Variants in PCDHA8 observed in about 807,000 individuals in gnomAD.
The protein encoded by PCDHA8 is protocadherin alpha 8.
A neutral mutation model predicts 61.8 loss-of-function variants in PCDHA8; 53 were observed. That is an observed-to-expected ratio of 0.86 (90% CI 0.69 to 1.08). The LOEUF (loss-of-function observed/expected upper bound fraction) is 1.08. Ranked by LOEUF, PCDHA8 falls within the 50% of genes least tolerant of loss-of-function variation. PCDHA8 has a pLI of 0.00. For missense variants in PCDHA8, 1,293 were observed against 1,245.0 expected (o/e 1.04, Z -0.58); for synonymous variants, 618 against 556.6 (o/e 1.11, Z -1.55).
At chr5:140,856,056 C>T (rs2043749341) in intron 1 of PCDHA8, 1 of 1,586,796 alleles carries the variant, frequency 6.3e-7, no homozygotes, top group Non-Finnish European at 8.6e-7. Flanking sequence ...AAGATGGTTT[C>T]CAGATGTAGC....
At chr5:140,905,622 T>G (rs962403940) in intron 1 of PCDHA8, among the ~76,000 whole-genome samples, 3 of 152,236 alleles carry the variant, frequency 2.0e-5, no homozygotes, top group Non-Finnish European at 4.4e-5. Context: ...AGATTGCTTT[T>G]GACAGTATGG....
Position 140,941,319 on chromosome 5 carries a change from C to CT in PCDHA8, c.2395-37615dup, listed in dbSNP as rs70988781. On this transcript the variant is annotated intron_variant, in intron 1 of 3. Transcript: ENST00000531613. Reference sequence around the variant, plus strand: ...TTCTTTCTTTCTTTTTCTTCTTTCTCTTTTTTTTTTTTTTTCAGATGGAGT... The same window carrying CT: ...TTCTTTCTTTCTTTTTCTTCTTTCTCTTTTTTTTTTTTTTTTCAGATGGAGT... Among the ~76,000 whole-genome samples the CT allele has an allele frequency of 1.3e-3, 140 of 104,384 alleles. 3 individuals are homozygous for CT. The highest frequency in any genetic ancestry group is 2.9e-3 in the South Asian group (9 of 3,126). The allele number at this position is 104,384 out of a possible 152,430, so 68.5% of individuals were successfully genotyped here.
chr5:140,929,257 C>T, intron 1 of PCDHA8: 2 of 1,612,972 alleles, frequency 1.2e-6, no homozygotes, highest in Non-Finnish European at 1.7e-6. Context: ...TGGGGTAGGA[C>T]TGAATTTGCC....
In PCDHA8 at chr5:140,841,739, CTGTT is replaced by C. The variant is rs1562391277; in HGVS notation, c.424_427del (p.Val142GlnfsTer12). 12 of 1,613,762 alleles carry C rather than the reference CTGTT, an allele frequency of 7.4e-6. No individual in the cohort carries two copies. The highest frequency in any genetic ancestry group is 3.3e-4 in the Middle Eastern group (2 of 6,084). ...AGTGTTCCGGGTAAAAGACCAAAAG[CTGTT>C]TGTTTCAGAATCCAGAATGCCAGAC... On this transcript the variant is annotated frameshift_variant, in exon 1 of 4. Transcript: ENST00000531613. LOFTEE classifies it high-confidence loss of function.
At position 140,856,173 on chromosome 5, in the gene PCDHA8, C is replaced by A. The variant is rs782775861; in HGVS notation, c.2394+12458C>A. The stretch of plus-strand genomic sequence containing the variant: ...GTCTACGAGGAGGCCAGACACGGCA[C>A]CTTCGTGGGCCGCATCGCGCAGGAC... On this transcript the variant is annotated intron_variant, in intron 1 of 3. Coordinates refer to ENST00000531613, the MANE Select transcript of PCDHA8 (RefSeq NM_018911.3). The A allele has an allele frequency of 1.1e-5, 17 of 1,598,116 alleles. 1 individual carries two copies. The highest frequency in any genetic ancestry group is 3.4e-4 in the Middle Eastern group (2 of 5,954).
intron 1 of PCDHA8, among the ~76,000 whole-genome samples, chr5:140,899,481 G>T (rs2153464125): frequency 6.6e-6 from 1 of 152,230 alleles, no homozygotes; most frequent in East Asian, 1.9e-4. Flanking sequence ...CTGTTTATAT[G>T]CTGGATTACA....
chr5:140,989,242 C>T (rs562894633), intron 3 of PCDHA8, among the ~76,000 whole-genome samples: 5 of 152,226 alleles, frequency 3.3e-5, no homozygotes, highest in African/African-American at 1.2e-4. Flanking sequence ...GTTTTAAGCC[C>T]CTTGTCAAAA....
In PCDHA8 at chr5:140,842,314, G is replaced by A. The variant is rs1777869139; in HGVS notation, c.993G>A (p.Ala331=). The change falls in exon 1 of 4, where the codon GCG becomes GCA. Residue 331 remains alanine (A), a synonymous_variant. Transcript: ENST00000531613. ...DATDKGHPPM[A]GHCTVLVRIL... ...CGGACAAAGGCCATCCTCCCATGGC[G>A]GGTCATTGCACCGTTTTAGTGAGAA... 3.7e-6 allele frequency: 6 copies of A among 1,607,200 alleles called. No homozygotes were observed. Among genetic ancestry groups the A allele is most frequent in the Non-Finnish European group, 5.1e-6 (6 of 1,174,054 alleles).
intron 3 of PCDHA8, among the ~76,000 whole-genome samples, chr5:141,005,129 C>T (rs1554259896): frequency 6.6e-6 from 1 of 152,180 alleles, no homozygotes; most frequent in African/African-American, 2.4e-5. Context: ...CCAAAAGTGC[C>T]TCATTGGAGA....
intron 1 of PCDHA8, chr5:140,877,508 C>T (rs892674985): frequency 2.5e-6 from 4 of 1,613,808 alleles, no homozygotes; most frequent in Non-Finnish European, 2.5e-6. Context: ...CCAAAGACGT[C>T]GTCGCGGGCC....
chr5:140,842,986 G>T lies in PCDHA8; in HGVS notation c.1665G>T (p.Val555=). 6.3e-7 allele frequency: 1 copy of T among 1,595,006 alleles called. No homozygotes were observed. The highest frequency in any genetic ancestry group is 1.7e-5 in the Admixed American group (1 of 59,304). Residue 555 remains valine (V), a synonymous_variant, in exon 1 of 4, where the codon GTG becomes GTT. Coordinates refer to ENST00000531613, the MANE Select transcript of PCDHA8 (RefSeq NM_018911.3). ...GCAACGTGACGCTGCAGGTGTTCGT[G>T]CTGGACGAGAATGACAACGCGCCGG... ...LGSNVTLQVF[V]LDENDNAPAL... is the part of the protein sequence containing the mutation.
intron 1 of PCDHA8, among the ~76,000 whole-genome samples, chr5:140,977,826 T>C (rs1554238818): frequency 1.3e-5 from 2 of 152,208 alleles, no homozygotes; most frequent in Admixed American, 6.5e-5. Flanking sequence ...TTTTGAATGG[T>C]CTATTGATAT....
intron 1 of PCDHA8, among the ~76,000 whole-genome samples, chr5:140,887,221 C>T (rs149306651): frequency 9.2e-5 from 14 of 151,858 alleles, no homozygotes; most frequent in Non-Finnish European, 1.3e-4. Flanking sequence ...CTCAGCCTCC[C>T]GAGTAGCTGA....
chr5:140,868,895 G>A (rs782646284), intron 1 of PCDHA8: 198 of 777,068 alleles, frequency 2.5e-4, no homozygotes, highest in Admixed American at 3.7e-4. Flanking sequence ...TAGGCGCAAG[G>A]TGTCGCTCTT....
At chr5:140,850,300 G>T in intron 1 of PCDHA8, 2 of 1,596,680 alleles carry the variant, frequency 1.3e-6, no homozygotes, top group Non-Finnish European at 1.7e-6. Context: ...GCCGACTCGG[G>T]CTACAACGCG....
At chr5:140,875,056 G>C (rs1554167464) in intron 1 of PCDHA8, among the ~76,000 whole-genome samples, 1 of 152,176 alleles carries the variant, frequency 6.6e-6, no homozygotes, top group Non-Finnish European at 1.5e-5. Context: ...CTTTGAAGCA[G>C]AAAACATTTT....
chr5:140,844,242 G>T (rs73280579), intron 1 of PCDHA8, among the ~76,000 whole-genome samples: 1 of 149,206 alleles, frequency 6.7e-6, no homozygotes. Flanking sequence ...CACTATTGCC[G>T]TTTTAAGCAG....
intron 1 of PCDHA8, chr5:140,883,601 G>T: frequency 1.2e-6 from 2 of 1,614,022 alleles, no homozygotes; most frequent in Non-Finnish European, 1.7e-6. Flanking sequence ...GTCGGTGGGG[G>T]TGGCCGACGT....
chr5:140,986,572 G>T (rs1587171327), intron 3 of PCDHA8, among the ~76,000 whole-genome samples: 1 of 152,268 alleles, frequency 6.6e-6, no homozygotes, highest in East Asian at 1.9e-4. Context: ...TCTGTTATTG[G>T]TTTTTCCAGC....
Sources: allele counts gnomAD v4.1 joint callset (sites outside exome capture counted in the v4.1 genomes callset), GRCh38; gene constraint gnomAD v4.1.1; transcripts MANE v1.5; gene names NCBI Gene and HGNC (gene_info 2026-07-23, HGNC 2026-07-21).